MAP3K4: variants seen among roughly 807,000 people sequenced by gnomAD.
The protein encoded by MAP3K4 is MAP three kinase 1.
In MAP3K4, 67 loss-of-function variants were observed where a neutral mutation model predicts 185.6. The ratio of observed to expected loss-of-function variants is 0.36; its 90% CI spans 0.30 to 0.44. The LOEUF (loss-of-function observed/expected upper bound fraction) is 0.44. MAP3K4 is among the 20% of genes least tolerant of loss of function. MAP3K4 has a pLI of 1.00. For synonymous variants in MAP3K4, 702 were observed against 710.4 expected (o/e 0.99, Z 0.19); for missense variants, 1,551 against 1,995.1 (o/e 0.78, Z 4.24).
intron 7 of MAP3K4, among the ~76,000 whole-genome samples, chr6:161,085,778 G>C (rs1785680305): frequency 6.6e-6 from 1 of 152,154 alleles, no homozygotes; most frequent in South Asian, 2.1e-4. Flanking sequence ...AACATGAGAA[G>C]GCAGGAATGA....
At position 161,084,289 on chromosome 6, in the gene MAP3K4, C is replaced by T. The variant is rs1785592195; in HGVS notation, c.2256-212C>T. 6.6e-6 allele frequency among the ~76,000 whole-genome samples: 1 copy of T among 152,174 alleles called. No individual in the cohort carries two copies. On this transcript the variant is annotated intron_variant, in intron 6 of 26. Transcript: ENST00000392142. This position sits in a 1 kb window ranked among gnomAD's most constrained non-coding sequence, Gnocchi z 4.6. ...AGATTTTAAGGTTTATATTGAGATA[C>T]TGTGGTAGTAGAACAAAGGTAGGTA...
chr6:161,077,681 C>T lies in MAP3K4; in HGVS notation c.2098-3200C>T, dbSNP rs897968010. Among the ~76,000 whole-genome samples, 12 of 152,116 alleles carry T rather than the reference C, an allele frequency of 7.9e-5. No homozygotes were observed. Among genetic ancestry groups the T allele is most frequent in the East Asian group, 1.9e-4 (1 of 5,188 alleles). Reference sequence around the variant, plus strand: ...AAGAAGTATAAGGATTCAAAGGAAACGTAGGCAGTGAAATGGCAGGACTCG... The same window carrying T: ...AAGAAGTATAAGGATTCAAAGGAAATGTAGGCAGTGAAATGGCAGGACTCG... On this transcript the variant is annotated intron_variant, in intron 5 of 26. Coordinates refer to ENST00000392142, the MANE Select transcript of MAP3K4 (RefSeq NM_005922.4). The surrounding 1 kb of genome is among the most constrained non-coding windows in gnomAD (Gnocchi z 4.3).
Position 161,092,990 on chromosome 6 carries a change from A to G in MAP3K4, c.3282A>G (p.Gln1094=), listed in dbSNP as rs1292917274. Reference sequence around the variant, plus strand: ...TTTCGTGTACCAGGTGGGCGACTCAAGGATTTGATTTTCTACAAGCAATTG... The same window carrying G: ...TTTCGTGTACCAGGTGGGCGACTCAGGGATTTGATTTTCTACAAGCAATTG... ...GRGTRPRWAT[Q]GFDFLQAIEP... is the part of the protein sequence containing the mutation. Residue 1094 remains glutamine, a synonymous_variant, in exon 14 of 27, where the codon CAA becomes CAG. Coordinates refer to ENST00000392142, the MANE Select transcript of MAP3K4 (RefSeq NM_005922.4). 1.9e-6 allele frequency: 3 copies of G among 1,613,246 alleles called. No homozygotes were observed. The highest frequency in any genetic ancestry group is 8.5e-7 in the Non-Finnish European group (1 of 1,179,376).
chr6:161,039,270 G>A (rs984665396), intron 2 of MAP3K4, among the ~76,000 whole-genome samples: 28 of 60,534 alleles, frequency 4.6e-4, no homozygotes, highest in South Asian at 1.1e-3. Context: ...CCCCGAACCC[G>A]CAAAAATGCA....
At chr6:161,068,221 A>G (rs1370257272) in intron 3 of MAP3K4, among the ~76,000 whole-genome samples, 2 of 152,212 alleles carry the variant, frequency 1.3e-5, no homozygotes, top group Non-Finnish European at 1.5e-5. Flanking sequence ...CATGATAAAT[A>G]CAACAGAGGA....
chr6:161,048,564 A>T lies in MAP3K4; in HGVS notation c.344-52A>T. The T allele has an allele frequency of 8.5e-7, 1 of 1,175,614 alleles. No homozygotes were observed. The allele number at this position is 1,175,614 out of a possible 1,614,324, so 72.8% of individuals were successfully genotyped here. ...CAGTTTTATTGAAAATATTGAGAGT[A>T]GCTTCATATTTTAGAGTTATATAAT... On this transcript the variant is annotated intron_variant, in intron 2 of 26. Coordinates refer to ENST00000392142, the MANE Select transcript of MAP3K4 (RefSeq NM_005922.4). This position sits in a 1 kb window ranked among gnomAD's most constrained non-coding sequence, Gnocchi z 4.7.
chr6:161,018,512 T>C (rs1341714236), intron 1 of MAP3K4, among the ~76,000 whole-genome samples: 1 of 152,146 alleles, frequency 6.6e-6, no homozygotes, highest in Non-Finnish European at 1.5e-5. Context: ...AAAGCTTCTA[T>C]GGAATTGACT....
Position 161,103,596 on chromosome 6 carries a change from A to G in MAP3K4, c.3856+817A>G, listed in dbSNP as rs560294054. The stretch of plus-strand genomic sequence containing the variant: ...CCAATGCAGGAGAAACTGGAGAGTG[A>G]GGGGAGATCAGATCATGGACAGCCA... On this transcript the variant is annotated intron_variant, in intron 19 of 26. Transcript: ENST00000392142. This position sits in a 1 kb window ranked among gnomAD's most constrained non-coding sequence, Gnocchi z 4.6. 2.6e-5 allele frequency among the ~76,000 whole-genome samples: 4 copies of G among 152,144 alleles called. No individual in the cohort carries two copies. Among genetic ancestry groups the G allele is most frequent in the African/African-American group, 9.7e-5 (4 of 41,442 alleles).
chr6:161,002,981 A>T (rs1781398981), intron 1 of MAP3K4, among the ~76,000 whole-genome samples: 1 of 152,184 alleles, frequency 6.6e-6, no homozygotes, highest in Non-Finnish European at 1.5e-5. Context: ...ACAATGGCAA[A>T]CTGTATTCCT....
rs182015788 is a variant in MAP3K4 at position 161,007,787 on chromosome 6, A to G, written c.152+15704A>G. Among the ~76,000 whole-genome samples, 231 of 152,330 alleles carry G rather than the reference A, an allele frequency of 1.5e-3. No individual in the cohort carries two copies. The highest frequency in any genetic ancestry group is 6.8e-3 in the Middle Eastern group (2 of 294). Reference sequence around the variant, plus strand: ...TTGAGCTTTTAGAGAGTAATGTTTCATCAAACATAAAAGGCTGTCAATTGT... The same window carrying G: ...TTGAGCTTTTAGAGAGTAATGTTTCGTCAAACATAAAAGGCTGTCAATTGT... On this transcript the variant is annotated intron_variant, in intron 1 of 26. Transcript: ENST00000392142. This position sits in a 1 kb window ranked among gnomAD's most constrained non-coding sequence, Gnocchi z 4.5.
In MAP3K4 at chr6:161,073,310, C is replaced by T. The variant is rs1785029475; in HGVS notation, c.1951-156C>T. 3.5e-6 allele frequency: 2 copies of T among 571,284 alleles called. No homozygotes were observed. Among genetic ancestry groups the T allele is most frequent in the Non-Finnish European group, 2.9e-6 (1 of 349,246 alleles). 35.4% of individuals were successfully genotyped at this position (571,284 alleles called of 1,614,324 possible). A position where few individuals can be genotyped will look rare whatever the true frequency, so the allele number is the denominator to read the frequency against. On this transcript the variant is annotated intron_variant, in intron 4 of 26. Transcript: ENST00000392142. The surrounding 1 kb of genome is among the most constrained non-coding windows in gnomAD (Gnocchi z 4.2). ...TCAATTGAGACTACTAAGGTATTTA[C>T]ATAAAATGAACTGATCAAGAATCTA...
chr6:161,015,743 A>G (rs1217901171), intron 1 of MAP3K4, among the ~76,000 whole-genome samples: 1 of 152,126 alleles, frequency 6.6e-6, no homozygotes, highest in Non-Finnish European at 1.5e-5. Flanking sequence ...CTCCTAGGGT[A>G]GCGCTTGCTA....
At chr6:161,111,993 C>T in intron 24 of MAP3K4, 35 bp downstream of exon 24, 1 of 1,610,282 alleles carries the variant, frequency 6.2e-7, no homozygotes, top group African/African-American at 1.3e-5. Flanking sequence ...TGCACTCTGA[C>T]TTCATGCAGC....
intron 1 of MAP3K4, among the ~76,000 whole-genome samples, chr6:160,993,646 G>A (rs79498218): frequency 0.038 from 5,822 of 152,036 alleles, 151 homozygotes; most frequent in South Asian, 0.07. Context: ...ACCCTACTCC[G>A]GAAAGAAATG....
intron 1 of MAP3K4, among the ~76,000 whole-genome samples, chr6:161,005,660 A>G (rs980316118): frequency 1.1e-4 from 17 of 152,222 alleles, no homozygotes; most frequent in East Asian, 1.9e-4. Context: ...AATCTTAAGC[A>G]TTAAGTAGTA....
chr6:161,074,785 A>G lies in MAP3K4; in HGVS notation c.2097+1173A>G, dbSNP rs1234785855. 6.6e-6 allele frequency among the ~76,000 whole-genome samples: 1 copy of G among 152,242 alleles called. No individual in the cohort carries two copies. Among genetic ancestry groups the G allele is most frequent in the African/African-American group, 2.4e-5 (1 of 41,458 alleles). Reference sequence around the variant, plus strand: ...GCTTAACATGTACTGTGTCCTGCCTAAGGATGGCTGCAGCACCTACAGATA... The same window carrying G: ...GCTTAACATGTACTGTGTCCTGCCTGAGGATGGCTGCAGCACCTACAGATA... On this transcript the variant is annotated intron_variant, in intron 5 of 26. Transcript: ENST00000392142. This position sits in a 1 kb window ranked among gnomAD's most constrained non-coding sequence, Gnocchi z 5.0.
chr6:161,079,660 G>A (rs756137285), intron 5 of MAP3K4, among the ~76,000 whole-genome samples: 58 of 152,300 alleles, frequency 3.8e-4, no homozygotes, highest in Non-Finnish European at 4.3e-4. Flanking sequence ...GGAAAAACAC[G>A]GAGATGGGGG....
Position 161,034,586 on chromosome 6 carries a change from T to A in MAP3K4, c.343+137T>A. On this transcript the variant is annotated intron_variant, in intron 2 of 26. Transcript: ENST00000392142. This position sits in a 1 kb window ranked among gnomAD's most constrained non-coding sequence, Gnocchi z 4.4. ...TGTAAAGTTCAATTTTTTTTTGAAT[T>A]ATTACCATTAGTATTAATAAAATTG... 1 of 659,762 alleles carries A rather than the reference T, an allele frequency of 1.5e-6. No individual in the cohort carries two copies. Among genetic ancestry groups the A allele is most frequent in the Non-Finnish European group, 2.5e-6 (1 of 400,422 alleles). The allele number at this position is 659,762 out of a possible 1,614,324, so 40.9% of individuals were successfully genotyped here.
In MAP3K4 at chr6:161,097,311, T is replaced by C; in HGVS notation, c.3524+135T>C. The C allele has an allele frequency of 7.8e-6, 5 of 638,382 alleles. No homozygotes were observed. In the East Asian group the frequency reaches 1.1e-4, roughly 14 times the overall value. 39.5% of individuals were successfully genotyped at this position (638,382 alleles called of 1,614,324 possible). A position where few individuals can be genotyped will look rare whatever the true frequency, so the allele number is the denominator to read the frequency against. ...ATTGTTCGTACGTAAAAGCTCTTAC[T>C]TGCATTATCTTGAAACCTTTAGTCG... is the stretch of plus-strand genomic sequence containing the variant. On this transcript the variant is annotated intron_variant, in intron 16 of 26. Transcript: ENST00000392142. The surrounding 1 kb of genome is among the most constrained non-coding windows in gnomAD (Gnocchi z 4.9).
Sources: allele counts gnomAD v4.1 joint callset (sites outside exome capture counted in the v4.1 genomes callset), GRCh38; gene constraint gnomAD v4.1.1; non-coding constraint Gnocchi (gnomAD v3.1); transcripts MANE v1.5; gene names NCBI Gene and HGNC (gene_info 2026-07-23, HGNC 2026-07-21).